BCL2L13: variants seen among roughly 807,000 people sequenced by gnomAD.
The protein encoded by BCL2L13 is bcl-2-like protein 13.
BCL2L13 carries 13 observed loss-of-function variants against 25.8 expected under a neutral mutation model. The ratio of observed to expected loss-of-function variants is 0.50; its 90% CI spans 0.33 to 0.80. The LOEUF (loss-of-function observed/expected upper bound fraction) is 0.80. BCL2L13 is among the 30% of genes least tolerant of loss of function. The pLI is 0.02. For synonymous variants in BCL2L13, 244 were observed against 230.3 expected (o/e 1.06, Z -0.54); for missense variants, 504 against 574.9 (o/e 0.88, Z 1.26).
chr22:17,640,769 G>T (rs535658555), intron 1 of BCL2L13, among the ~76,000 whole-genome samples: 114 of 151,966 alleles, frequency 7.5e-4, no homozygotes, highest in African/African-American at 2.7e-3. Context: ...AGGGAGGACT[G>T]CTTGAGCCCG....
At chr22:17,644,306 C>G (rs111882151) in intron 1 of BCL2L13, among the ~76,000 whole-genome samples, 1,756 of 149,292 alleles carry the variant, frequency 0.012, 141 homozygotes, top group African/African-American at 0.041. Flanking sequence ...TTGTGTTCAA[C>G]TCTGTATTAC....
intron 4 of BCL2L13, chr22:17,692,416 C>G (rs1044378495): frequency 6.6e-6 from 1 of 152,196 alleles, no homozygotes; most frequent in Non-Finnish European, 1.5e-5. Context: ...CTGTGACCCC[C>G]AGCAGCACCA....
intron 2 of BCL2L13, among the ~76,000 whole-genome samples, chr22:17,658,172 A>G (rs1377037296): frequency 3.3e-5 from 5 of 150,540 alleles, no homozygotes; most frequent in Admixed American, 6.6e-5. Context: ...TTAAGCTGCT[A>G]AATAAACTTT....
chr22:17,693,350 TTTA>T, intron 4 of BCL2L13, among the ~76,000 whole-genome samples: 2 of 138,658 alleles, frequency 1.4e-5, no homozygotes, highest in African/African-American at 5.2e-5. Flanking sequence ...TATTTATTTA[TTTA>T]TTTATTTATT....
At chr22:17,702,466 T>C (rs2060467066) in intron 6 of BCL2L13, 80 bp downstream of exon 6, 3 of 1,343,214 alleles carry the variant, frequency 2.2e-6, no homozygotes, top group African/African-American at 1.5e-5. Flanking sequence ...GGGTTCTTGC[T>C]GTGTTACCCG....
In BCL2L13 at chr22:17,685,199, T is replaced by A. The variant is rs2059889078; in HGVS notation, c.229+1878T>A. ...ACTATGTGGTCTTTTGTGACTGGCA[T>A]TTTTTACTTAGCATAATGTATTTTT... is the stretch of plus-strand genomic sequence containing the variant. On this transcript the variant is annotated intron_variant, in intron 3 of 6. Transcript: ENST00000317582. Among the ~76,000 whole-genome samples, 3 of 151,562 alleles carry A rather than the reference T, an allele frequency of 2.0e-5. No individual in the cohort carries two copies. The South Asian group carries it at 6.3e-4, about 32-fold the overall frequency.
chr22:17,718,730 C>T (rs73876496), intron 6 of BCL2L13, among the ~76,000 whole-genome samples: 2,226 of 152,292 alleles, frequency 0.015, 57 homozygotes, highest in African/African-American at 0.05. Flanking sequence ...TATTAATTAG[C>T]ATAGACTACT....
intron 2 of BCL2L13, among the ~76,000 whole-genome samples, chr22:17,668,621 G>A (rs916660802): frequency 1.3e-5 from 2 of 151,750 alleles, no homozygotes; most frequent in Admixed American, 1.3e-4. Flanking sequence ...CGTGCACCAC[G>A]ATGCCTGGCT....
intron 6 of BCL2L13, among the ~76,000 whole-genome samples, chr22:17,708,312 G>A (rs990563031): frequency 2.0e-5 from 3 of 152,030 alleles, no homozygotes; most frequent in African/African-American, 4.8e-5. Context: ...AAGCAATCAG[G>A]GACTTCATCT....
chr22:17,719,827 C>CA lies in BCL2L13; in HGVS notation c.601-6827dup, dbSNP rs60474373. Among the ~76,000 whole-genome samples the CA allele has an allele frequency of 7.5e-3, 682 of 90,918 alleles. 18 individuals carry two copies. Among genetic ancestry groups the CA allele is most frequent in the African/African-American group, 0.021 (570 of 26,938 alleles). The allele number at this position is 90,918 out of a possible 152,430, so 59.6% of individuals were successfully genotyped here. A position where few individuals can be genotyped will look rare whatever the true frequency, so the allele number is the denominator to read the frequency against. On this transcript the variant is annotated intron_variant, in intron 6 of 6. Coordinates refer to ENST00000317582, the MANE Select transcript of BCL2L13 (RefSeq NM_015367.4). The stretch of plus-strand genomic sequence containing the variant: ...CTGGCGAAAGAGTGAGACTCCATCT[C>CA]AAAAAAAAAAAAAAAAAAAAAAAGA...
intron 2 of BCL2L13, among the ~76,000 whole-genome samples, chr22:17,669,451 G>A (rs1159941685): frequency 6.6e-6 from 1 of 152,174 alleles, no homozygotes; most frequent in African/African-American, 2.4e-5. Context: ...GAGATCACAT[G>A]ACAAGAACAG....
At chr22:17,673,436 C>T (rs1214992992) in intron 2 of BCL2L13, among the ~76,000 whole-genome samples, 7 of 149,350 alleles carry the variant, frequency 4.7e-5, no homozygotes, top group African/African-American at 1.7e-4. Context: ...GGTGCGATCT[C>T]GGCTCACTGC....
chr22:17,633,741 A>G (rs940353212), upstream of BCL2L13, among the ~76,000 whole-genome samples: 1 of 152,354 alleles, frequency 6.6e-6, no homozygotes. Context: ...TAGCCAAAAA[A>G]TAGTAACTCT....
At chr22:17,642,406 A>G (rs1316552131) in intron 1 of BCL2L13, among the ~76,000 whole-genome samples, 2 of 151,448 alleles carry the variant, frequency 1.3e-5, no homozygotes, top group Admixed American at 6.6e-5. Context: ...TGATCCACCT[A>G]CCTTGGCCTC....
chr22:17,686,515 T>TC (rs1334431122), intron 3 of BCL2L13, among the ~76,000 whole-genome samples: 1 of 99,752 alleles, frequency 1.0e-5, no homozygotes, highest in Non-Finnish European at 2.1e-5. Flanking sequence ...TTCTTTTTTT[T>TC]TCTTTTTTTT....
At chr22:17,663,700 T>TTC (rs1407068651) in intron 2 of BCL2L13, among the ~76,000 whole-genome samples, 130 of 147,814 alleles carry the variant, frequency 8.8e-4, no homozygotes, top group African/African-American at 2.9e-3. Flanking sequence ...TTTTTTTTTT[T>TTC]TGAGATGGAG....
chr22:17,700,617 C>T (rs754324786), intron 5 of BCL2L13, among the ~76,000 whole-genome samples: 2 of 152,142 alleles, frequency 1.3e-5, no homozygotes, highest in Non-Finnish European at 2.9e-5. Context: ...TGCTTCTACC[C>T]GAGGCAAAAT....
At chr22:17,723,708 G>A (rs1454653033) in intron 6 of BCL2L13, among the ~76,000 whole-genome samples, 1 of 152,188 alleles carries the variant, frequency 6.6e-6, no homozygotes, top group Non-Finnish European at 1.5e-5. Context: ...GCCGAGGTAG[G>A]TGGATCACGA....
At chr22:17,710,672 C>A (rs894570991) in intron 6 of BCL2L13, among the ~76,000 whole-genome samples, 8 of 151,838 alleles carry the variant, frequency 5.3e-5, no homozygotes, top group Non-Finnish European at 1.2e-4. Context: ...GTCAGGAGAT[C>A]GAGACCATCC....
Sources: gnomAD v4.1 joint callset for allele counts (sites outside exome capture counted in the v4.1 genomes callset) on GRCh38, gnomAD v4.1.1 for gene constraint, MANE v1.5 for transcripts, NCBI Gene and HGNC (gene_info 2026-07-23, HGNC 2026-07-21) for gene names.